CHD8: variants seen among roughly 807,000 people sequenced by gnomAD.
CHD8 encodes ATP-dependent chromatin remodeler CHD8.
CHD8 carries 31 observed loss-of-function variants against 279.2 expected under a neutral mutation model. The ratio of observed to expected loss-of-function variants is 0.11; its 90% CI spans 0.08 to 0.15. The LOEUF is 0.15. Among genes scored for constraint, CHD8 ranks in the 10% least tolerant of loss-of-function variants. CHD8 has a pLI of 1.00. For synonymous variants in CHD8, 1,081 were observed against 1,139.6 expected, an observed-to-expected ratio of 0.95 and a Z score of 1.04; for missense variants, 2,146 against 3,230.5, an observed-to-expected ratio of 0.66 and a Z score of 8.14.
chr14:21,446,079 C>T (rs921611766), intron 1 of CHD8, among the ~76,000 whole-genome samples: 3 of 152,086 alleles, frequency 2.0e-5, no homozygotes, highest in Non-Finnish European at 4.4e-5. Context: ...GTAATCCCAG[C>T]TACTTGGGAG....
rs1214940580 is a variant in CHD8, at chr14:21,391,640, C to T, written c.6888G>A (p.Leu2296=). ...KKGNRKKLVE[L]EVECMEEPNH... ...TAGGCTCTTCCATGCACTCCACCTC[C>T]AGCTGCAAACCCAGAATCCACCCCC... Residue 2296 remains leucine, a splice_region_variant and synonymous_variant, in exon 36 of 38, where the codon CTG becomes CTA. Coordinates refer to ENST00000646647, the MANE Select transcript of CHD8 (RefSeq NM_001170629.2). 1 of 1,587,814 alleles carries T rather than the reference C, an allele frequency of 6.3e-7. No homozygotes were observed. The highest frequency in any genetic ancestry group is 8.6e-7 in the Non-Finnish European group (1 of 1,166,822).
Position 21,428,948 on chromosome 14 carries a change from T to C in CHD8, c.1215+16A>G, listed in dbSNP as rs1566444306. 2 of 1,613,178 alleles carry C rather than the reference T, an allele frequency of 1.2e-6. No homozygotes were observed. The highest frequency in any genetic ancestry group is 1.7e-6 in the Non-Finnish European group (2 of 1,179,564). On this transcript the variant is annotated intron_variant, in intron 3 of 37. Coordinates refer to ENST00000646647, the MANE Select transcript of CHD8 (RefSeq NM_001170629.2). ...TTTTTGTTTTCTTTCTTTTCCTTACTATGTAAGTCTCTCACCTGTGGCTGC... is the reference window on the plus strand; with the variant it reads ...TTTTTGTTTTCTTTCTTTTCCTTACCATGTAAGTCTCTCACCTGTGGCTGC...
In CHD8 at chr14:21,429,171, C is replaced by T. The variant is rs1889455508; in HGVS notation, c.1008G>A (p.Lys336=). ...QAKNAQGQPA[K]VVTIQLQVQQ... ...GCACCTGCAGCTGGATAGTTACTAC[C>T]TTGGCAGGCTGCCCTTGGGCATTCT... Residue 336 remains lysine (K), a synonymous_variant, in exon 3 of 38, where the codon AAG becomes AAA. Transcript: ENST00000646647. The T allele has an allele frequency of 6.2e-7, 1 of 1,613,860 alleles. No homozygotes were observed. The highest frequency in any genetic ancestry group is 1.3e-5 in the African/African-American group (1 of 74,914).
chr14:21,445,592 G>A (rs1890093180), intron 1 of CHD8, among the ~76,000 whole-genome samples: 1 of 151,446 alleles, frequency 6.6e-6, no homozygotes, highest in Non-Finnish European at 1.5e-5. Flanking sequence ...GGGAGGCTGA[G>A]GCAGGAGAAT....
In CHD8 at chr14:21,414,245, C is replaced by T. The variant is rs377308307; in HGVS notation, c.2142+56G>A. 191 of 878,184 alleles carry T rather than the reference C, an allele frequency of 2.2e-4. 1 individual carries two copies. In the South Asian group the frequency reaches 2.7e-3, roughly 12 times the overall value. The allele number at this position is 878,184 out of a possible 1,614,324, so 54.4% of individuals were successfully genotyped here. A position where few individuals can be genotyped will look rare whatever the true frequency, so the allele number is the denominator to read the frequency against. On this transcript the variant is annotated intron_variant, in intron 9 of 37. Transcript: ENST00000646647. The stretch of plus-strand genomic sequence containing the variant: ...TGAAGAATCAGCCAAGGCTGACAAC[C>T]CCAGTAATTTGTGCTTCTGTGAAAG...
rs967570036 is a variant in CHD8 at position 21,385,898 on chromosome 14, G to C, written c.7461C>G (p.Asp2487Glu). 7 of 1,551,786 alleles carry C rather than the reference G, an allele frequency of 4.5e-6. No homozygotes were observed. Among genetic ancestry groups the C allele is most frequent in the Middle Eastern group, 3.4e-4 (2 of 5,948 alleles). Residue 2487 changes from aspartate (D) to glutamate (E), a missense_variant, in exon 38 of 38, where the codon GAC becomes GAG. This residue lies in a region of CHD8 where 336 missense variants were observed against 392.9 expected (regional missense o/e 0.86). Transcript: ENST00000646647. ...GGTGGTGATGAAGCATGGTGCTGGAGTCTACATGAGGGGATGATGGTGCAC... is the reference window on the plus strand; with the variant it reads ...GGTGGTGATGAAGCATGGTGCTGGACTCTACATGAGGGGATGATGGTGCAC... ...MGGAPSSPHV[D>E]SSTMLHHHHH...
Position 21,391,470 on chromosome 14 carries a change from A to G in CHD8, c.7058T>C (p.Phe2353Ser). Residue 2353 changes from phenylalanine (F) to serine (S), a missense_variant, in exon 36 of 38, where the codon TTT (phenylalanine) becomes TCT (serine). Around this residue, in one of 26 missense-constraint regions of CHD8, gnomAD observed 336 missense variants for 392.9 expected, o/e 0.86. Coordinates refer to ENST00000646647, the MANE Select transcript of CHD8 (RefSeq NM_001170629.2). ...GATGGGACTGCCACTCACCGCTAGA[A>G]ATCGGGGATCAACAGCAAACTCTGG... ...GHPEFAVDPRFLAYMEDRRKQ... is the reference protein window; with the variant it reads ...GHPEFAVDPRSLAYMEDRRKQ... 2 of 1,613,766 alleles carry G rather than the reference A, an allele frequency of 1.2e-6. No homozygotes were observed. Among genetic ancestry groups the G allele is most frequent in the Non-Finnish European group, 1.7e-6 (2 of 1,179,796 alleles).
At chr14:21,414,185 T>C (rs1012401168) in intron 9 of CHD8, 116 bp downstream of exon 9, 2 of 639,120 alleles carry the variant, frequency 3.1e-6, no homozygotes, top group Admixed American at 5.5e-5. Context: ...AATTGAAAGT[T>C]TACACCCATA....
intron 1 of CHD8, among the ~76,000 whole-genome samples, chr14:21,436,308 T>C (rs1437020269): frequency 1.3e-5 from 2 of 152,186 alleles, no homozygotes; most frequent in South Asian, 2.1e-4. Context: ...GCAGCTTAAT[T>C]TAAATGAGAA....
chr14:21,392,230 T>G, intron 34 of CHD8: 1 of 754,766 alleles, frequency 1.3e-6, no homozygotes, highest in Non-Finnish European at 2.4e-6. Flanking sequence ...GTCTCCGTAT[T>G]AGCATGGCAA....
Position 21,385,941 on chromosome 14 carries a change from A to G in CHD8, c.7418T>C (p.Met2473Thr). The change falls in exon 38 of 38, where the codon ATG (methionine) becomes ACG (threonine). Residue 2473 changes from methionine (M) to threonine (T), a missense_variant. Physicochemically the swap from Met to Thr is moderately conservative, Grantham distance 81. Transcript: ENST00000646647. ...TGGTGCACCACCCATCACAAATGGCATAAAAGGCAAAGATGCAGAAGTGGC... is the reference window on the plus strand; with the variant it reads ...TGGTGCACCACCCATCACAAATGGCGTAAAAGGCAAAGATGCAGAAGTGGC... ...SSATSASLPFMPFVMGGAPSS... is the reference protein window; with the variant it reads ...SSATSASLPFTPFVMGGAPSS... 6.4e-7 allele frequency: 1 copy of G among 1,555,522 alleles called. No homozygotes were observed. The highest frequency in any genetic ancestry group is 8.7e-7 in the Non-Finnish European group (1 of 1,148,918).
rs572493446 is a variant in CHD8 at position 21,434,367 on chromosome 14, C to T, written c.-215-2509G>A. ...AAAGTTTCTACTAACCAGAAGTTTA[C>T]GTTGCAAATAGTTTATAGCCTGCTC... On this transcript the variant is annotated intron_variant, in intron 1 of 37. Coordinates refer to ENST00000646647, the MANE Select transcript of CHD8 (RefSeq NM_001170629.2). Among the ~76,000 whole-genome samples the T allele has an allele frequency of 3.6e-4, 55 of 152,246 alleles. 1 individual carries two copies. The highest frequency in any genetic ancestry group is 6.5e-4 in the Non-Finnish European group (44 of 67,994).
intron 1 of CHD8, among the ~76,000 whole-genome samples, chr14:21,452,093 T>G (rs1273641749): frequency 6.6e-6 from 1 of 152,142 alleles, no homozygotes; most frequent in East Asian, 1.9e-4. Flanking sequence ...CAGGCTAGAG[T>G]GCAGTGGCAC....
At chr14:21,452,104 G>A (rs1223799848) in intron 1 of CHD8, among the ~76,000 whole-genome samples, 3 of 152,216 alleles carry the variant, frequency 2.0e-5, no homozygotes, top group Admixed American at 6.5e-5. Flanking sequence ...GCAGTGGCAC[G>A]ATCTAGGCTC....
chr14:21,386,014 G>A lies in CHD8; in HGVS notation c.7345C>T (p.His2449Tyr). Reference protein sequence around the residue: ...GSLSLHNTFQHSSSGLQSVSS... With the variant: ...GSLSLHNTFQYSSSGLQSVSS... ...ACAGACTGTAGGCCACTACTGCTGT[G>A]TTGGAACGTGTTATGCAGAGATAGA... The change falls in exon 38 of 38, where the codon CAC becomes TAC. Residue 2449 changes from histidine (H) to tyrosine (Y), a missense_variant. Transcript: ENST00000646647. The A allele has an allele frequency of 1.3e-6, 2 of 1,593,736 alleles. No homozygotes were observed. Among genetic ancestry groups the A allele is most frequent in the Admixed American group, 3.5e-5 (2 of 57,254 alleles).
At chr14:21,396,621 TG>T (rs1461901229) in intron 27 of CHD8, 1 of 152,066 alleles carries the variant, frequency 6.6e-6, no homozygotes, top group Admixed American at 6.6e-5. Context: ...TTCCATCACC[TG>T]GAGTGCAGCA....
rs776631057 is a variant in CHD8, at chr14:21,409,898, G to C, written c.2317C>G (p.Arg773Gly). 24 of 1,613,532 alleles carry C rather than the reference G, an allele frequency of 1.5e-5. No homozygotes were observed. The highest frequency in any genetic ancestry group is 1.9e-5 in the Non-Finnish European group (23 of 1,179,726). Reference protein sequence around the residue: ...LKEDVDEGKIREFKRIQSRHP... With the variant: ...LKEDVDEGKIGEFKRIQSRHP... ...CTTGACTGAATCCGTTTAAATTCTC[G>C]AATCTTGCCCTCATCAACATCTTCT... The change falls in exon 11 of 38, where the codon CGA (arginine) becomes GGA (glycine). Residue 773 changes from arginine (R) to glycine (G), a missense_variant. Transcript: ENST00000646647.
At chr14:21,388,447 G>C (rs1048843453) in intron 37 of CHD8, among the ~76,000 whole-genome samples, 5 of 152,166 alleles carry the variant, frequency 3.3e-5, no homozygotes, top group Admixed American at 6.5e-5. Flanking sequence ...AAGTGTATCA[G>C]AGGAAGTGTG....
chr14:21,415,191 A>T (rs1037327913), intron 7 of CHD8, 198 bp from the exon 8 acceptor site: 2 of 533,228 alleles, frequency 3.8e-6, no homozygotes, highest in African/African-American at 3.9e-5. Flanking sequence ...CACTCTAAAC[A>T]GGTAAGTAAA....
Sources: allele counts gnomAD v4.1 joint callset (sites outside exome capture counted in the v4.1 genomes callset), GRCh38; gene constraint gnomAD v4.1.1; regional missense constraint gnomAD v4.1.1; transcripts MANE v1.5; gene names NCBI Gene and HGNC (gene_info 2026-07-23, HGNC 2026-07-21).